The following CAMK2D variants were observed in gnomAD, a reference collection of about 807,000 sequenced individuals.
CAMK2D encodes the protein calcium/calmodulin dependent protein kinase II delta.
In CAMK2D, 37 loss-of-function variants were observed where a neutral mutation model predicts 84.0. The ratio of observed to expected loss-of-function variants is 0.44; its 90% CI spans 0.34 to 0.58. The LOEUF is 0.58. Ranked by LOEUF, CAMK2D falls within the 20% of genes least tolerant of loss-of-function variation. The probability of loss-of-function intolerance (pLI) is 0.02; values close to 1 mark genes in which losing one functional copy is unlikely to be tolerated. For synonymous variants in CAMK2D, 202 were observed against 212.5 expected, an observed-to-expected ratio of 0.95 and a Z score of 0.43; for missense variants, 448 against 652.5, an observed-to-expected ratio of 0.69 and a Z score of 3.41.
intron 14 of CAMK2D, chr4:113,503,183 C>T (rs1209239698): frequency 5.5e-6 from 4 of 726,506 alleles, no homozygotes; most frequent in Non-Finnish European, 1.0e-5. Context: ...ACCTCCCTAC[C>T]CAGAAGCAGC....
chr4:113,637,209 G>A (rs771638594), intron 3 of CAMK2D, among the ~76,000 whole-genome samples: 3 of 152,114 alleles, frequency 2.0e-5, no homozygotes, highest in Non-Finnish European at 2.9e-5. Context: ...GCTTATTGAT[G>A]TATCACAGGT....
chr4:113,675,897 T>A (rs1451751536), intron 2 of CAMK2D, among the ~76,000 whole-genome samples: 4 of 152,216 alleles, frequency 2.6e-5, no homozygotes, highest in African/African-American at 9.6e-5. Flanking sequence ...TCTATACCAG[T>A]GATTATGACA....
Position 113,465,933 on chromosome 4 carries a change from G to A in CAMK2D, c.1136-329C>T, listed in dbSNP as rs114502301. On this transcript the variant is annotated intron_variant, in intron 16 of 20. Coordinates refer to ENST00000511664, the MANE Select transcript of CAMK2D (RefSeq NM_001321571.2). ...GAAAACAACAGTCACCTGAAAGGTC[G>A]GTCAAGGCTATGTTTTTTAAAATTA... 3.0e-3 allele frequency among the ~76,000 whole-genome samples: 453 copies of A among 152,190 alleles called. 4 individuals are homozygous for A. The highest frequency in any genetic ancestry group is 0.011 in the African/African-American group (443 of 41,542).
At chr4:113,595,858 G>T (rs1561233655) in intron 4 of CAMK2D, among the ~76,000 whole-genome samples, 1 of 152,186 alleles carries the variant, frequency 6.6e-6, no homozygotes, top group Non-Finnish European at 1.5e-5. Context: ...GACTGATGGG[G>T]TGGTGGCTGC....
chr4:113,567,874 T>C (rs1216975214), intron 4 of CAMK2D, among the ~76,000 whole-genome samples: 4 of 152,208 alleles, frequency 2.6e-5, no homozygotes, highest in Non-Finnish European at 4.4e-5. Context: ...TAGTTATAAT[T>C]ATTATTGCTT....
intron 2 of CAMK2D, among the ~76,000 whole-genome samples, chr4:113,689,709 C>A (rs1358920256): frequency 6.6e-6 from 1 of 152,158 alleles, no homozygotes; most frequent in Non-Finnish European, 1.5e-5. Context: ...CAAGCAGCCC[C>A]ACTATCATTT....
At chr4:113,734,915 C>T (rs1288540811) in intron 2 of CAMK2D, among the ~76,000 whole-genome samples, 1 of 143,718 alleles carries the variant, frequency 7.0e-6, no homozygotes, top group African/African-American at 2.7e-5. Flanking sequence ...AAAAAAGAAG[C>T]AGAAAAATCA....
chr4:113,467,170 G>A (rs1216878443), intron 16 of CAMK2D, among the ~76,000 whole-genome samples: 1 of 152,086 alleles, frequency 6.6e-6, no homozygotes, highest in Non-Finnish European at 1.5e-5. Flanking sequence ...ACTGAACATA[G>A]ACTGGGAATC....
In CAMK2D at chr4:113,488,442, T is replaced by C. The variant is rs114173881; in HGVS notation, c.1135+12021A>G. On this transcript the variant is annotated intron_variant, in intron 16 of 20. Coordinates refer to ENST00000511664, the MANE Select transcript of CAMK2D (RefSeq NM_001321571.2). The stretch of plus-strand genomic sequence containing the variant: ...AGACCTTAGCGATGACCTTGAGCAG[T>C]AGGATATAAATAACTCTCACATGCT... Among the ~76,000 whole-genome samples the C allele has an allele frequency of 8.7e-4, 133 of 152,224 alleles. 1 individual carries two copies. Among genetic ancestry groups the C allele is most frequent in the Non-Finnish European group, 1.6e-3 (108 of 67,982 alleles).
At chr4:113,507,438 T>G (rs979421738) in intron 13 of CAMK2D, among the ~76,000 whole-genome samples, 2 of 46,950 alleles carry the variant, frequency 4.3e-5, no homozygotes, top group Non-Finnish European at 1.1e-4. Context: ...TGTTTGTTTG[T>G]TTTTTTTTTT....
intron 4 of CAMK2D, among the ~76,000 whole-genome samples, chr4:113,558,161 C>T (rs544268850): frequency 6.6e-5 from 10 of 152,286 alleles, no homozygotes; most frequent in African/African-American, 9.6e-5. Flanking sequence ...AACACACTCA[C>T]GTAACTCACA....
chr4:113,457,801 T>G (rs553144893), intron 18 of CAMK2D, among the ~76,000 whole-genome samples: 1 of 152,342 alleles, frequency 6.6e-6, no homozygotes, highest in South Asian at 2.1e-4. Flanking sequence ...TTATATGCTC[T>G]CTGGAAATTT....
intron 12 of CAMK2D, among the ~76,000 whole-genome samples, chr4:113,510,758 A>C (rs867399313): frequency 6.6e-6 from 1 of 152,172 alleles, no homozygotes; most frequent in African/African-American, 2.4e-5. Context: ...ATGAACATGT[A>C]ATTTCCTGAC....
At chr4:113,707,564 C>G (rs1325813332) in intron 2 of CAMK2D, among the ~76,000 whole-genome samples, 4 of 152,036 alleles carry the variant, frequency 2.6e-5, no homozygotes, top group African/African-American at 9.7e-5. Flanking sequence ...TTTAATGTAC[C>G]TAGGCTGGCT....
intron 4 of CAMK2D, among the ~76,000 whole-genome samples, chr4:113,563,685 C>T (rs1007884995): frequency 6.6e-5 from 10 of 152,294 alleles, no homozygotes; most frequent in African/African-American, 2.4e-4. Flanking sequence ...TTCTTGGGAT[C>T]AATGGGAGAA....
At chr4:113,612,327 T>C (rs948154138) in intron 3 of CAMK2D, among the ~76,000 whole-genome samples, 5 of 152,242 alleles carry the variant, frequency 3.3e-5, no homozygotes, top group Non-Finnish European at 7.3e-5. Flanking sequence ...TTTTTCCTTT[T>C]TAACAGTTTC....
At position 113,716,304 on chromosome 4, in the gene CAMK2D, G is replaced by T. The variant is rs551779454; in HGVS notation, c.160+43016C>A. Reference sequence around the variant, plus strand: ...TCATTCTATTATACACTAAAAGAAAGTAGTCTGTTACTTGATTGACATTTT... The same window carrying T: ...TCATTCTATTATACACTAAAAGAAATTAGTCTGTTACTTGATTGACATTTT... On this transcript the variant is annotated intron_variant, in intron 2 of 20. Coordinates refer to ENST00000511664, the MANE Select transcript of CAMK2D (RefSeq NM_001321571.2). Among the ~76,000 whole-genome samples the T allele has an allele frequency of 1.1e-4, 17 of 152,248 alleles. No homozygotes were observed. The South Asian group carries it at 3.5e-3, about 32-fold the overall frequency.
At chr4:113,613,620 T>C (rs575422575) in intron 3 of CAMK2D, among the ~76,000 whole-genome samples, 19 of 152,184 alleles carry the variant, frequency 1.2e-4, no homozygotes, top group Non-Finnish European at 2.5e-4. Context: ...CAAAGCCACA[T>C]TTGTCTCTCT....
chr4:113,465,221 C>T lies in CAMK2D; in HGVS notation c.1211+308G>A, dbSNP rs191861148. ...CTAATTTTTAAACTTTTTGTAGAAACGGGGTCTTGTTTTGTCACCCAGGTT... is the reference window on the plus strand; with the variant it reads ...CTAATTTTTAAACTTTTTGTAGAAATGGGGTCTTGTTTTGTCACCCAGGTT... On this transcript the variant is annotated intron_variant, in intron 17 of 20. Transcript: ENST00000511664. 2.2e-3 allele frequency among the ~76,000 whole-genome samples: 339 copies of T among 152,118 alleles called. 2 individuals are homozygous for T. Among genetic ancestry groups the T allele is most frequent in the African/African-American group, 7.8e-3 (323 of 41,522 alleles).
Sources: gnomAD v4.1 joint callset for allele counts (sites outside exome capture counted in the v4.1 genomes callset) on GRCh38, gnomAD v4.1.1 for gene constraint, MANE v1.5 for transcripts, NCBI Gene and HGNC (gene_info 2026-07-23, HGNC 2026-07-21) for gene names.